CILP: variants seen among roughly 807,000 people sequenced by gnomAD.
CILP encodes cartilage intermediate layer protein, also known as cartilage intermediate layer protein 1.
In CILP, 75 loss-of-function variants were observed where a neutral mutation model predicts 82.5. The observed-to-expected ratio is 0.91, with a 90% CI of 0.75 to 1.10. CILP has a LOEUF of 1.10. CILP is among the 50% of genes least tolerant of loss of function. The pLI is 0.00. For synonymous variants in CILP, 530 were observed against 580.3 expected, an observed-to-expected ratio of 0.91 and a Z score of 1.25; for missense variants, 1,479 against 1,530.8, an observed-to-expected ratio of 0.97 and a Z score of 0.56.
intron 2 of CILP, among the ~76,000 whole-genome samples, chr15:65,208,313 G>T (rs748362012): frequency 6.6e-6 from 1 of 152,186 alleles, no homozygotes; most frequent in African/African-American, 2.4e-5. Flanking sequence ...GACTCTGCCA[G>T]TTTCTAACTG....
At chr15:65,201,365 G>T (rs2088449404) in intron 8 of CILP, among the ~76,000 whole-genome samples, 1 of 152,036 alleles carries the variant, frequency 6.6e-6, no homozygotes, top group African/African-American at 2.4e-5. Flanking sequence ...CTCAAATGAT[G>T]GCTCCATGGT....
rs536659943 is a variant in CILP, at chr15:65,204,448, T to G, written c.739A>C (p.Thr247Pro). 1 of 1,614,112 alleles carries G rather than the reference T, an allele frequency of 6.2e-7. No homozygotes were observed. The highest frequency in any genetic ancestry group is 8.5e-7 in the Non-Finnish European group (1 of 1,180,016). ...PASGAAIYLL[T>P]KTPKLLTQTD... Reference sequence around the variant, plus strand: ...TGGGTCAGCAGCTTCGGCGTCTTGGTCAGGAGGTAGATAGCAGCCCCTGAG... The same window carrying G: ...TGGGTCAGCAGCTTCGGCGTCTTGGGCAGGAGGTAGATAGCAGCCCCTGAG... Residue 247 changes from threonine to proline, a missense_variant, in exon 6 of 9, where the codon ACC becomes CCC. By Grantham distance (38) the Thr-to-Pro change is conservative. Coordinates refer to ENST00000261883, the MANE Select transcript of CILP (RefSeq NM_003613.4).
intron 5 of CILP, 95 bp from the exon 6 acceptor site, chr15:65,204,677 CT>C: frequency 1.6e-6 from 2 of 1,247,892 alleles, no homozygotes; most frequent in Non-Finnish European, 2.2e-6. Context: ...TTGGCCTTTG[CT>C]ACCCTCCCTT....
chr15:65,202,923 C>A (rs2088476235), intron 7 of CILP, among the ~76,000 whole-genome samples: 1 of 151,216 alleles, frequency 6.6e-6, no homozygotes, highest in African/African-American at 2.4e-5. Context: ...GCAACCTCCG[C>A]CTCCTGGACT....
chr15:65,204,060 T>C (rs990297397), intron 6 of CILP, among the ~76,000 whole-genome samples: 8 of 152,102 alleles, frequency 5.3e-5, no homozygotes, highest in African/African-American at 1.7e-4. Context: ...CCCATTGCAG[T>C]TGGAGTAGAG....
Position 65,207,143 on chromosome 15 carries a change from C to T in CILP, c.155-92G>A, listed in dbSNP as rs889359552. The stretch of plus-strand genomic sequence containing the variant: ...CACCCACCCCCAGCTGGCCTCAGGC[C>T]CTATCACATTTGTCTCTCCAGTATC... On this transcript the variant is annotated intron_variant, in intron 3 of 8. Coordinates refer to ENST00000261883, the MANE Select transcript of CILP (RefSeq NM_003613.4). 1.1e-5 allele frequency: 16 copies of T among 1,411,672 alleles called. No individual in the cohort carries two copies. The African/African-American group carries it at 1.5e-4, about 14-fold the overall frequency. 87.4% of individuals were successfully genotyped at this position (1,411,672 alleles called of 1,614,324 possible). A position where few individuals can be genotyped will look rare whatever the true frequency, so the allele number is the denominator to read the frequency against.
rs1484226927 is a variant in CILP at position 65,195,225 on chromosome 15, G to T, written c.*1506C>A. 6.6e-6 allele frequency: 1 copy of T among 152,222 alleles called. No homozygotes were observed. Among genetic ancestry groups the T allele is most frequent in the Non-Finnish European group, 1.5e-5 (1 of 68,072 alleles). The allele number at this position is 152,222 out of a possible 1,614,324, so 9.4% of individuals were successfully genotyped here. On this transcript the variant is annotated 3_prime_UTR_variant, in exon 9 of 9. Coordinates refer to ENST00000261883, the MANE Select transcript of CILP (RefSeq NM_003613.4). ...ATCCAAGAGTACAAATCCAGCCCAGGCCAGAGATGGGTAAAGGAGCTGCAC... is the reference window on the plus strand; with the variant it reads ...ATCCAAGAGTACAAATCCAGCCCAGTCCAGAGATGGGTAAAGGAGCTGCAC...
intron 2 of CILP, among the ~76,000 whole-genome samples, chr15:65,208,826 C>T (rs1595961625): frequency 6.6e-6 from 1 of 152,208 alleles, no homozygotes. Flanking sequence ...TTTTAATCAA[C>T]CTAATCTGAT....
Position 65,206,892 on chromosome 15 carries a change from G to C in CILP, c.314C>G (p.Thr105Ser), listed in dbSNP as rs747315095. The change falls in exon 4 of 9, where the codon ACT (threonine) becomes AGT (serine). Residue 105 changes from threonine (T) to serine (S), a missense_variant. Transcript: ENST00000261883. ...RTTDWTPAGS[T>S]GQVVHGSPRE... Reference sequence around the variant, plus strand: ...GGGACTACCATGGACCACCTGGCCAGTGCTGCCCGCAGGTGTCCAGTCAGT... The same window carrying C: ...GGGACTACCATGGACCACCTGGCCACTGCTGCCCGCAGGTGTCCAGTCAGT... 6.2e-6 allele frequency: 10 copies of C among 1,613,896 alleles called. No individual in the cohort carries two copies. The highest frequency in any genetic ancestry group is 8.5e-6 in the Non-Finnish European group (10 of 1,180,032).
In CILP at chr15:65,197,906, C is replaced by T; in HGVS notation, c.2380G>A (p.Gly794Ser). The change falls in exon 9 of 9, where the codon GGC becomes AGC. Residue 794 changes from glycine (G) to serine (S), a missense_variant. Transcript: ENST00000261883. ...TGFLSNPRAW[G>S]RFDSVITGPN... ...CCTGTGATGACACTGTCAAAGCGGC[C>T]CCAGGCCCTAGGGTTGGACAAGAAG... is the stretch of plus-strand genomic sequence containing the variant. 3.7e-6 allele frequency: 6 copies of T among 1,614,092 alleles called. No individual in the cohort carries two copies. The highest frequency in any genetic ancestry group is 5.1e-6 in the Non-Finnish European group (6 of 1,180,020).
Position 65,209,692 on chromosome 15 carries a change from T to C in CILP, c.61+3A>G. On this transcript the variant is annotated splice_donor_region_variant and intron_variant, in intron 2 of 8. Coordinates refer to ENST00000261883, the MANE Select transcript of CILP (RefSeq NM_003613.4). ...TGGGAGCCAGCAGATACTTAGCCTA[T>C]ACCCAACACAGATGTGACTTCCAGG... 6.2e-7 allele frequency: 1 copy of C among 1,613,946 alleles called. No homozygotes were observed. Among genetic ancestry groups the C allele is most frequent in the Non-Finnish European group, 8.5e-7 (1 of 1,179,900 alleles).
rs143925933 is a variant in CILP, at chr15:65,206,922, C to T, written c.284G>A (p.Arg95Gln). 5,666 of 1,613,208 alleles carry T rather than the reference C, an allele frequency of 3.5e-3. 22 individuals are homozygous for T. The highest frequency in any genetic ancestry group is 4.3e-3 in the Non-Finnish European group (5,113 of 1,179,876). ...GCCCGCAGGTGTCCAGTCAGTGGTC[C>T]GAGCCTCTAGCCGCAGGGGACGGGC... is the stretch of plus-strand genomic sequence containing the variant. Reference protein sequence around the residue: ...VCARPLRLEARTTDWTPAGST... With the variant: ...VCARPLRLEAQTTDWTPAGST... The change falls in exon 4 of 9, where the codon CGG becomes CAG. Residue 95 changes from arginine to glutamine, a missense_variant. By Grantham distance (43) the Arg-to-Gln change is conservative. Coordinates refer to ENST00000261883, the MANE Select transcript of CILP (RefSeq NM_003613.4).
intron 4 of CILP, among the ~76,000 whole-genome samples, 188 bp downstream of exon 4, chr15:65,206,594 T>C (rs1191031451): frequency 6.6e-6 from 1 of 152,224 alleles, no homozygotes; most frequent in African/African-American, 2.4e-5. Flanking sequence ...CTGGCATTAA[T>C]GACACTACTT....
At chr15:65,210,654 C>T (rs769457859) in intron 1 of CILP, among the ~76,000 whole-genome samples, 1 of 152,206 alleles carries the variant, frequency 6.6e-6, no homozygotes, top group Non-Finnish European at 1.5e-5. Context: ...GAATCTGACT[C>T]GTTTCTGGGG....
At position 65,203,482 on chromosome 15, in the gene CILP, A is replaced by G. The variant is rs2072048; in HGVS notation, c.920-12T>C. 0.61 allele frequency: 979,831 copies of G among 1,603,826 alleles called. 305,262 individuals are homozygous for G. The highest frequency in any genetic ancestry group is 0.7 in the African/African-American group (51,891 of 74,546). On this transcript the variant is annotated splice_polypyrimidine_tract_variant and intron_variant, in intron 6 of 8. Transcript: ENST00000261883. ...CATGTATGGAGTCTCTGGGACAGAAAATGAGAAATAGCATTTTGGGTTTTT... is the reference window on the plus strand; with the variant it reads ...CATGTATGGAGTCTCTGGGACAGAAGATGAGAAATAGCATTTTGGGTTTTT...
Position 65,196,872 on chromosome 15 carries a change from G to A in CILP, c.3414C>T (p.Ala1138=), listed in dbSNP as rs1485332421. Residue 1138 remains alanine (A), a synonymous_variant, in exon 9 of 9, where the codon GCC becomes GCT. Transcript: ENST00000261883. ...SAFQYLQSTP[A]QSPAAGTVQG... ...GGACAGTGCCTGCAGCAGGGGACTG[G>A]GCTGGGGTGCTTTGGAGGTACTGGA... 1.2e-6 allele frequency: 2 copies of A among 1,613,802 alleles called. No homozygotes were observed. Among genetic ancestry groups the A allele is most frequent in the African/African-American group, 2.7e-5 (2 of 74,918 alleles).
rs1566993630 is a variant in CILP, at chr15:65,198,744, G to A, written c.1542C>T (p.Asn514=). 3 of 1,614,222 alleles carry A rather than the reference G, an allele frequency of 1.9e-6. No homozygotes were observed. Among genetic ancestry groups the A allele is most frequent in the Non-Finnish European group, 2.5e-6 (3 of 1,180,042 alleles). The change falls in exon 9 of 9, where the codon AAC becomes AAT. Residue 514 remains asparagine, a synonymous_variant. Coordinates refer to ENST00000261883, the MANE Select transcript of CILP (RefSeq NM_003613.4). ...TGTAGCCAGTCATGCTTACACGGCT[G>A]TTCCCCATGTACACATGGCCAAAGC... is the stretch of plus-strand genomic sequence containing the variant. ...PMRFGHVYMG[N]SRVSMTGYKG...
Position 65,195,950 on chromosome 15 carries a change from A to G in CILP, c.*781T>C. ...GTGACTGCTTTCCAGAGTCCCCTGT[A>G]CTCCTCTGAGAAGCTGGCTCACTTT... On this transcript the variant is annotated 3_prime_UTR_variant, in exon 9 of 9. Coordinates refer to ENST00000261883, the MANE Select transcript of CILP (RefSeq NM_003613.4). 1 of 152,272 alleles carries G rather than the reference A, an allele frequency of 6.6e-6. No individual in the cohort carries two copies. Among genetic ancestry groups the G allele is most frequent in the African/African-American group, 2.4e-5 (1 of 41,548 alleles). The allele number at this position is 152,272 out of a possible 1,614,324, so 9.4% of individuals were successfully genotyped here.
At chr15:65,210,758 C>G (rs967362214) in intron 1 of CILP, among the ~76,000 whole-genome samples, 1 of 152,174 alleles carries the variant, frequency 6.6e-6, no homozygotes, top group Non-Finnish European at 1.5e-5. Flanking sequence ...TCTGAAAACA[C>G]TGGGATATTC....
Sources: allele counts gnomAD v4.1 joint callset (sites outside exome capture counted in the v4.1 genomes callset), GRCh38; gene constraint gnomAD v4.1.1; transcripts MANE v1.5; gene names NCBI Gene and HGNC (gene_info 2026-07-23, HGNC 2026-07-21).